GATA4: variants seen among roughly 807,000 people sequenced by gnomAD.
GATA4 encodes the protein GATA binding protein 4, also known as transcription factor GATA-4.
In GATA4, 7 loss-of-function variants were observed where a neutral mutation model predicts 37.9. The ratio of observed to expected loss-of-function variants is 0.18; its 90% confidence interval spans 0.11 to 0.35. The LOEUF is 0.35. Ranked by LOEUF, GATA4 falls within the 10% of genes least tolerant of loss-of-function variation. GATA4 has a pLI of 1.00. For missense variants in GATA4, 647 were observed against 653.0 expected (o/e 0.99, Z 0.10); for synonymous variants, 372 against 292.6 (o/e 1.27, Z -2.77).
At chr8:11,742,384 G>GTT (rs71521636) in intron 2 of GATA4, among the ~76,000 whole-genome samples, 8,955 of 68,420 alleles carry the variant, frequency 0.13, 835 homozygotes, top group African/African-American at 0.27. Context: ...TTGGTGTTTT[G>GTT]TTTTTTTTTT....
intron 2 of GATA4, among the ~76,000 whole-genome samples, chr8:11,748,437 A>G (rs1191880673): frequency 6.6e-6 from 1 of 152,162 alleles, no homozygotes; most frequent in Non-Finnish European, 1.5e-5. Flanking sequence ...ATACAATAGA[A>G]CCAAATGCTC....
In GATA4 at chr8:11,709,577, G is replaced by GGGGGGGGC. The variant is rs765455896; in HGVS notation, c.616+656_616+657insCGGGGGGG. Among the ~76,000 whole-genome samples the GGGGGGGGC allele has an allele frequency of 0.095, 12,977 of 136,330 alleles. 1,119 individuals are homozygous for GGGGGGGGC. The highest frequency in any genetic ancestry group is 0.21 in the African/African-American group (7,216 of 34,308). The allele number at this position is 136,330 out of a possible 152,430, so 89.4% of individuals were successfully genotyped here. On this transcript the variant is annotated intron_variant, in intron 2 of 6. Transcript: ENST00000532059. The surrounding 1 kb of genome is among the most constrained non-coding windows in gnomAD (Gnocchi z 4.3). ...GCGTGGGCGCATCATGCGGGCAGCG[G>GGGGGGGGC]GGGGGGGGGCGCACACGCCCGGTCA...
intron 2 of GATA4, among the ~76,000 whole-genome samples, chr8:11,730,844 C>T (rs1015394709): frequency 5.9e-5 from 9 of 152,204 alleles, no homozygotes; most frequent in Admixed American, 1.3e-4. Context: ...CCGAGGCTGG[C>T]GGGACCTAGG....
chr8:11,689,704 T>C (rs968216337), upstream of GATA4, among the ~76,000 whole-genome samples: 1 of 152,128 alleles, frequency 6.6e-6, no homozygotes, highest in Non-Finnish European at 1.5e-5. Context: ...CACCCTTGGC[T>C]GGGCCAGGGT....
upstream of GATA4, among the ~76,000 whole-genome samples, chr8:11,688,417 T>C (rs116954115): frequency 2.4e-3 from 371 of 152,360 alleles, 1 homozygote; most frequent in Non-Finnish European, 3.9e-3. Flanking sequence ...TGCAGACCAC[T>C]GTAGGGGATT....
At chr8:11,680,973 C>G in intron 1 of GATA4, 1 of 978,412 alleles carries the variant, frequency 1.0e-6, no homozygotes. Flanking sequence ...CTGCTGGTAT[C>G]TCAATATCCC....
chr8:11,677,938 C>G (rs1305616435), intron 1 of GATA4, among the ~76,000 whole-genome samples: 1 of 151,854 alleles, frequency 6.6e-6, no homozygotes, highest in Non-Finnish European at 1.5e-5. Context: ...GAAATTACCT[C>G]TACTTCCTAC....
In GATA4 at chr8:11,708,357, C is replaced by T. The variant is rs1295264082; in HGVS notation, c.45C>T (p.Pro15=). ...LAMAANHGPP[P]GAYEAGGPGA... ...TGGCCGCCAACCACGGGCCGCCCCCCGGTGCCTACGAGGCGGGCGGCCCCG... is the reference window on the plus strand; with the variant it reads ...TGGCCGCCAACCACGGGCCGCCCCCTGGTGCCTACGAGGCGGGCGGCCCCG... Residue 15 remains proline, a synonymous_variant, in exon 2 of 7, where the codon CCC becomes CCT. Coordinates refer to ENST00000532059, the MANE Select transcript of GATA4 (RefSeq NM_001308093.3). The surrounding 1 kb of genome is among the most constrained non-coding windows in gnomAD (Gnocchi z 6.7). 2 of 1,580,528 alleles carry T rather than the reference C, an allele frequency of 1.3e-6. No homozygotes were observed. Among genetic ancestry groups the T allele is most frequent in the Non-Finnish European group, 1.7e-6 (2 of 1,171,398 alleles).
upstream of GATA4, among the ~76,000 whole-genome samples, chr8:11,701,600 G>C (rs1203989064): frequency 1.3e-5 from 2 of 152,204 alleles, no homozygotes; most frequent in Non-Finnish European, 2.9e-5. Flanking sequence ...CGAGCGGAGA[G>C]CGAAGGAGGA....
In GATA4 at chr8:11,707,021, C is replaced by T. The variant is rs1185255578; in HGVS notation, c.-457-835C>T. ...AAACTGCTCTTTCCCCAAGCACCCA[C>T]CTTGGTGTTATGATTCTGCTTATGG... On this transcript the variant is annotated intron_variant, in intron 1 of 6. Transcript: ENST00000532059. The surrounding 1 kb of genome is among the most constrained non-coding windows in gnomAD (Gnocchi z 4.7). 6.6e-6 allele frequency among the ~76,000 whole-genome samples: 1 copy of T among 152,162 alleles called. No homozygotes were observed.
At position 11,709,962 on chromosome 8, in the gene GATA4, G is replaced by C. The variant is rs1286590712; in HGVS notation, c.616+1034G>C. Among the ~76,000 whole-genome samples the C allele has an allele frequency of 6.6e-6, 1 of 152,184 alleles. No individual in the cohort carries two copies. The highest frequency in any genetic ancestry group is 1.5e-5 in the Non-Finnish European group (1 of 68,024). On this transcript the variant is annotated intron_variant, in intron 2 of 6. Transcript: ENST00000532059. The surrounding 1 kb of genome is among the most constrained non-coding windows in gnomAD (Gnocchi z 4.3). ...GATTGAGCCCACCCTGTGGGGGAGG[G>C]GAAGCCCAGGCTTGAGAAGCAAAGC...
chr8:11,740,709 G>C (rs928982855), intron 2 of GATA4, among the ~76,000 whole-genome samples: 2 of 151,774 alleles, frequency 1.3e-5, no homozygotes, highest in Non-Finnish European at 2.9e-5. Context: ...CAGTCTTTCA[G>C]TATTGCCTTC....
intron 2 of GATA4, among the ~76,000 whole-genome samples, chr8:11,746,441 T>TA (rs1435430500): frequency 2.6e-5 from 4 of 152,108 alleles, no homozygotes; most frequent in Non-Finnish European, 4.4e-5. Context: ...AAGGTGATCT[T>TA]ACAAGGCCTC....
intron 2 of GATA4, among the ~76,000 whole-genome samples, chr8:11,713,637 CAAA>C (rs375905844): frequency 9.5e-6 from 1 of 105,428 alleles, no homozygotes. Context: ...TTCTGAAAAG[CAAA>C]AAAAAAAAAG....
At chr8:11,711,511 C>T (rs879734215) in intron 2 of GATA4, among the ~76,000 whole-genome samples, 4 of 151,844 alleles carry the variant, frequency 2.6e-5, no homozygotes, top group Non-Finnish European at 5.9e-5. Flanking sequence ...GGCGCAGAGG[C>T]TCATGCCTGT....
intron 2 of GATA4, among the ~76,000 whole-genome samples, chr8:11,730,754 T>A (rs181197047): frequency 6.6e-6 from 1 of 152,314 alleles, no homozygotes; most frequent in East Asian, 1.9e-4. Flanking sequence ...CCAGCGACTG[T>A]CCTGTGGGCA....
intron 2 of GATA4, among the ~76,000 whole-genome samples, chr8:11,721,895 G>A (rs1402459036): frequency 6.6e-6 from 1 of 152,244 alleles, no homozygotes; most frequent in African/African-American, 2.4e-5. Context: ...CTCCCAGGAG[G>A]TGTAGAGGTG....
At chr8:11,733,726 T>C (rs1310209405) in intron 2 of GATA4, among the ~76,000 whole-genome samples, 1 of 152,070 alleles carries the variant, frequency 6.6e-6, no homozygotes, top group Non-Finnish European at 1.5e-5. Flanking sequence ...TGCAGAGGAG[T>C]ATCCATGGTA....
rs948497872 is a variant in GATA4 at position 11,707,122 on chromosome 8, T to G, written c.-457-734T>G. On this transcript the variant is annotated intron_variant, in intron 1 of 6. Transcript: ENST00000532059. This position sits in a 1 kb window ranked among gnomAD's most constrained non-coding sequence, Gnocchi z 4.7. ...CAGTGGGTTATTCTGTAGAGCGGCA[T>G]TGTACATTCTTCTCACTTTTCTGGT... Among the ~76,000 whole-genome samples the G allele has an allele frequency of 6.6e-6, 1 of 152,212 alleles. No individual in the cohort carries two copies.
Sources: allele counts gnomAD v4.1 joint callset (sites outside exome capture counted in the v4.1 genomes callset), GRCh38; gene constraint gnomAD v4.1.1; non-coding constraint Gnocchi (gnomAD v3.1); transcripts MANE v1.5; gene names NCBI Gene and HGNC (gene_info 2026-07-23, HGNC 2026-07-21).